The following SGCZ variants were observed in gnomAD, a reference collection of about 807,000 sequenced individuals.
The protein encoded by SGCZ is sarcoglycan zeta.
Under a neutral mutation model 41.3 loss-of-function variants are expected in SGCZ, and 40 were observed. The observed-to-expected ratio is 0.97, with a 90% CI of 0.75 to 1.26. The LOEUF is 1.26. SGCZ is among the 50% of genes most tolerant of loss of function. The pLI, the probability that SGCZ is intolerant of heterozygous loss-of-function variation, is 0.00. For missense variants in SGCZ, 552 were observed against 369.8 expected (o/e 1.49, Z -4.04); for synonymous variants, 206 against 137.5 (o/e 1.50, Z -3.49).
Position 14,084,893 on chromosome 8 carries a change from A to T in SGCZ, c.*5550T>A, listed in dbSNP as rs1159970009. Among the ~76,000 whole-genome samples, 4 of 151,820 alleles carry T rather than the reference A, an allele frequency of 2.6e-5. No individual in the cohort carries two copies. Among genetic ancestry groups the T allele is most frequent in the African/African-American group, 7.2e-5 (3 of 41,398 alleles). ...GACTATCACATTTAATCATGGTTAC[A>T]TAGTAGCACCAAAATTAGGACAAAT... On this transcript the variant is annotated 3_prime_UTR_variant, in exon 8 of 8. Transcript: ENST00000382080.
intron 1 of SGCZ, among the ~76,000 whole-genome samples, chr8:15,125,175 A>C (rs1807634974): frequency 6.6e-6 from 1 of 152,198 alleles, no homozygotes; most frequent in African/African-American, 2.4e-5. Flanking sequence ...AGTAAAACAA[A>C]GGAGATGATC....
intron 3 of SGCZ, among the ~76,000 whole-genome samples, chr8:14,292,176 G>A (rs1800862322): frequency 6.6e-6 from 1 of 152,020 alleles, no homozygotes. Context: ...GGAGCTAGAT[G>A]CAAGACATAA....
rs981732722 is a variant in SGCZ at position 14,307,926 on chromosome 8, TA to T, written c.336+16176del. Among the ~76,000 whole-genome samples, 29 of 152,130 alleles carry T rather than the reference TA, an allele frequency of 1.9e-4. 1 individual carries two copies. Among genetic ancestry groups the T allele is most frequent in the Admixed American group, 1.7e-3 (26 of 15,252 alleles). On this transcript the variant is annotated intron_variant, in intron 3 of 7. Coordinates refer to ENST00000382080, the MANE Select transcript of SGCZ (RefSeq NM_139167.4). Reference sequence around the variant, plus strand: ...ACCAAAGTTTAACTCTCCAATTCCTTAAAACGGTAGTCAGTTTTGTGTGTAC... The same window carrying T: ...ACCAAAGTTTAACTCTCCAATTCCTTAAACGGTAGTCAGTTTTGTGTGTAC...
chr8:14,115,230 G>A (rs1044998532), intron 5 of SGCZ, among the ~76,000 whole-genome samples: 6 of 151,940 alleles, frequency 3.9e-5, no homozygotes, highest in African/African-American at 1.4e-4. Flanking sequence ...CACACCTGAG[G>A]CTTCTAGAGA....
chr8:15,010,826 T>C (rs1802800000), intron 1 of SGCZ, among the ~76,000 whole-genome samples: 1 of 152,146 alleles, frequency 6.6e-6, no homozygotes, highest in Non-Finnish European at 1.5e-5. Flanking sequence ...ATGGTGACAA[T>C]GGGACACTTG....
chr8:15,095,135 G>A (rs760662485), intron 1 of SGCZ, among the ~76,000 whole-genome samples: 20 of 152,104 alleles, frequency 1.3e-4, no homozygotes, highest in Non-Finnish European at 2.8e-4. Context: ...ATTCACTCTT[G>A]TTGCCCAGGC....
chr8:14,415,334 T>G (rs1389655461), intron 2 of SGCZ, among the ~76,000 whole-genome samples: 2 of 151,892 alleles, frequency 1.3e-5, no homozygotes, highest in Admixed American at 1.3e-4. Flanking sequence ...TAAATGCAAA[T>G]GTATTATACT....
At position 14,822,073 on chromosome 8, in the gene SGCZ, T is replaced by TACACACAC. The variant is rs57337707; in HGVS notation, c.40-267155_40-267148dup. ...TTTAAATATAAAAAACCCTAAAGAT[T>TACACACAC]ACACACACACACACACACACACACA... On this transcript the variant is annotated intron_variant, in intron 1 of 7. Coordinates refer to ENST00000382080, the MANE Select transcript of SGCZ (RefSeq NM_139167.4). 8.4e-3 allele frequency among the ~76,000 whole-genome samples: 1,186 copies of TACACACAC among 141,640 alleles called. 8 individuals are homozygous for TACACACAC. The highest frequency in any genetic ancestry group is 0.023 in the African/African-American group (896 of 38,570). 92.9% of individuals were successfully genotyped at this position (141,640 alleles called of 152,430 possible).
At chr8:14,255,213 G>T (rs1371402562) in intron 3 of SGCZ, among the ~76,000 whole-genome samples, 1 of 152,068 alleles carries the variant, frequency 6.6e-6, no homozygotes, top group South Asian at 2.1e-4. Context: ...CATACTCCCA[G>T]GAATCATTCC....
At chr8:14,618,963 C>T (rs992883080) in intron 1 of SGCZ, among the ~76,000 whole-genome samples, 2 of 152,024 alleles carry the variant, frequency 1.3e-5, no homozygotes, top group Admixed American at 1.3e-4. Flanking sequence ...TATGGAAAAT[C>T]GAAGAAATCT....
Position 15,237,757 on chromosome 8 carries a change from T to G in SGCZ, c.-134A>C, listed in dbSNP as rs1003175911. 3.2e-5 allele frequency: 25 copies of G among 784,760 alleles called. No individual in the cohort carries two copies. The African/African-American group carries it at 3.8e-4, about 12-fold the overall frequency. 48.6% of individuals were successfully genotyped at this position (784,760 alleles called of 1,614,324 possible). ...CAGCTCCTCTCAGTCTCATTCTCCG[T>G]GGTCACGCCGCCTCCACCGGGTTAA... On this transcript the variant is annotated 5_prime_UTR_variant, in exon 1 of 8. Coordinates refer to ENST00000382080, the MANE Select transcript of SGCZ (RefSeq NM_139167.4).
chr8:15,197,654 T>G (rs544941596), intron 1 of SGCZ, among the ~76,000 whole-genome samples: 9 of 152,236 alleles, frequency 5.9e-5, no homozygotes, highest in African/African-American at 2.2e-4. Flanking sequence ...ACAACAGAGC[T>G]GTGACTTAAG....
intron 1 of SGCZ, among the ~76,000 whole-genome samples, chr8:15,136,118 T>C (rs1235549928): frequency 6.6e-6 from 1 of 152,030 alleles, no homozygotes; most frequent in Non-Finnish European, 1.5e-5. Flanking sequence ...CCCATCCCTG[T>C]TTTAGCTGGT....
At chr8:15,234,738 T>C (rs1394065287) in intron 1 of SGCZ, among the ~76,000 whole-genome samples, 1 of 152,104 alleles carries the variant, frequency 6.6e-6, no homozygotes, top group African/African-American at 2.4e-5. Context: ...AAAAAACCAA[T>C]GTTTGCACAC....
At chr8:14,849,713 C>T (rs1258126217) in intron 1 of SGCZ, among the ~76,000 whole-genome samples, 1 of 152,004 alleles carries the variant, frequency 6.6e-6, no homozygotes, top group African/African-American at 2.4e-5. Context: ...AGTTCCGTAT[C>T]TTACAGTGGT....
rs1803660126 is a variant in SGCZ at position 14,150,303 on chromosome 8, G to C, written c.547+14277C>G. ...CCATCTGACAAGGGATTAATAACCA[G>C]AATACATAAGGAGCTCAAACAACTC... On this transcript the variant is annotated intron_variant, in intron 5 of 7. Coordinates refer to ENST00000382080, the MANE Select transcript of SGCZ (RefSeq NM_139167.4). Among the ~76,000 whole-genome samples the C allele has an allele frequency of 2.0e-5, 3 of 152,038 alleles. 1 individual carries two copies. The South Asian group carries it at 6.2e-4, about 32-fold the overall frequency.
chr8:15,000,838 G>C (rs6530822), intron 1 of SGCZ, among the ~76,000 whole-genome samples: 152,284 of 152,356 alleles, frequency 1, 76,106 homozygotes, highest in Middle Eastern at 1. Context: ...CTGTCTGTCT[G>C]TCTTGCAAGG....
At chr8:15,004,306 G>T (rs761748781) in intron 1 of SGCZ, among the ~76,000 whole-genome samples, 7 of 152,108 alleles carry the variant, frequency 4.6e-5, no homozygotes, top group Non-Finnish European at 7.4e-5. Context: ...GGTAGAATGT[G>T]CATGCAACAC....
chr8:14,504,553 CCTTT>C lies in SGCZ; in HGVS notation c.234+50175_234+50178del, dbSNP rs1475705721. ...ATCTACCTGTTGTCACATTGGCATGCCTTTCTTTCTTCTGCGTTATTGCCTTTTT... is the reference window on the plus strand; with the variant it reads ...ATCTACCTGTTGTCACATTGGCATGCCTTTCTTCTGCGTTATTGCCTTTTT... On this transcript the variant is annotated intron_variant, in intron 2 of 7. Transcript: ENST00000382080. 2.6e-5 allele frequency among the ~76,000 whole-genome samples: 4 copies of C among 152,058 alleles called. No individual in the cohort carries two copies. The East Asian group carries it at 5.8e-4, about 22-fold the overall frequency.
Sources: gnomAD v4.1 joint callset for allele counts (sites outside exome capture counted in the v4.1 genomes callset) on GRCh38, gnomAD v4.1.1 for gene constraint, MANE v1.5 for transcripts, NCBI Gene and HGNC (gene_info 2026-07-23, HGNC 2026-07-21) for gene names.